KPNA7: variants seen among roughly 807,000 people sequenced by gnomAD.
KPNA7 encodes the protein importin subunit alpha-8.
KPNA7 carries 54 observed loss-of-function variants against 53.7 expected under a neutral mutation model. That is an observed-to-expected ratio of 1.01 (90% CI 0.81 to 1.26). The LOEUF (loss-of-function observed/expected upper bound fraction) is 1.26. Ranked by LOEUF, KPNA7 falls within the 50% of genes most tolerant of loss-of-function variation. The pLI is 0.00. For synonymous variants in KPNA7, 276 were observed against 259.3 expected (o/e 1.06, Z -0.62); for missense variants, 640 against 644.5 (o/e 0.99, Z 0.07).
chr7:99,181,013 C>G (rs111203645), intron 9 of KPNA7, among the ~76,000 whole-genome samples: 852 of 16,472 alleles, frequency 0.052, 334 homozygotes, highest in Middle Eastern at 0.093. Context: ...CTCTCTCTCT[C>G]TGTGTGTGTG....
At chr7:99,213,865 T>A (rs934813381) in intron 1 of KPNA7, among the ~76,000 whole-genome samples, 1 of 152,032 alleles carries the variant, frequency 6.6e-6, no homozygotes, top group African/African-American at 2.4e-5. Flanking sequence ...TGCCTCCACC[T>A]CTCAAATCAC....
At chr7:99,149,934 G>T in the KPNA7 span, among the ~76,000 whole-genome samples, 2 of 151,572 alleles carry the variant, frequency 1.3e-5, no homozygotes, top group East Asian at 3.9e-4. Context: ...AGCTCAGACA[G>T]ACTGCAGGCA....
At chr7:99,207,544 T>TGTCA (rs1790878658) in intron 1 of KPNA7, 55 bp from the exon 2 acceptor site, 2 of 935,466 alleles carry the variant, frequency 2.1e-6, no homozygotes, top group Non-Finnish European at 3.4e-6. Context: ...TGGGTTATTA[T>TGTCA]GTCAGTATCA....
chr7:99,181,401 T>C (rs1242393123), intron 9 of KPNA7, among the ~76,000 whole-genome samples: 1 of 152,216 alleles, frequency 6.6e-6, no homozygotes, highest in Non-Finnish European at 1.5e-5. Context: ...TGCATTGTCA[T>C]AGTCTGAGCA....
At chr7:99,214,465 C>A (rs1248366923) in intron 1 of KPNA7, among the ~76,000 whole-genome samples, 4 of 143,602 alleles carry the variant, frequency 2.8e-5, no homozygotes, top group Non-Finnish European at 4.6e-5. Flanking sequence ...AAAACAAAAA[C>A]AAAAACAAAA....
chr7:99,179,286 G>A (rs1270746420), intron 9 of KPNA7, among the ~76,000 whole-genome samples: 1 of 152,108 alleles, frequency 6.6e-6, no homozygotes, highest in Non-Finnish European at 1.5e-5. Context: ...GCTGGACACA[G>A]TGGCCCATTC....
chr7:99,209,396 G>T (rs931046347), upstream of KPNA7, among the ~76,000 whole-genome samples: 7 of 151,914 alleles, frequency 4.6e-5, no homozygotes, highest in African/African-American at 1.7e-4. Context: ...CTTCCAGCTG[G>T]TCTCCCTGCT....
Position 99,185,097 on chromosome 7 carries a change from A to G in KPNA7, c.966T>C (p.Ile322=). 2 of 1,551,944 alleles carry G rather than the reference A, an allele frequency of 1.3e-6. No individual in the cohort carries two copies. Among genetic ancestry groups the G allele is most frequent in the Non-Finnish European group, 8.7e-7 (1 of 1,147,050 alleles). The change falls in exon 8 of 11, where the codon ATT becomes ATC. Residue 322 remains isoleucine, a synonymous_variant. Transcript: ENST00000327442. ...GGAGCACGTTCAGCATACCCGCATC[A>G]ATGGCCATCTGCGTCTGCTCATCTG... ...TGTDEQTQMA[I]DAGMLNVLPQ...
intron 8 of KPNA7, among the ~76,000 whole-genome samples, chr7:99,183,279 C>A (rs1266174380): frequency 3.3e-5 from 5 of 151,992 alleles, no homozygotes; most frequent in South Asian, 2.1e-4. Context: ...GCTCAATAAA[C>A]CTTTGCATTT....
At chr7:99,158,408 A>G in the KPNA7 span, among the ~76,000 whole-genome samples, 1 of 152,032 alleles carries the variant, frequency 6.6e-6, no homozygotes, top group Non-Finnish European at 1.5e-5. Flanking sequence ...TGGACTTTAT[A>G]TAATTTGATC....
intron 10 of KPNA7, among the ~76,000 whole-genome samples, chr7:99,177,560 G>A (rs1298594823): frequency 8.8e-6 from 1 of 113,132 alleles, no homozygotes; most frequent in African/African-American, 3.8e-5. Context: ...GGGCAACAGA[G>A]TGAAACCATC....
chr7:99,146,421 G>C, the KPNA7 span, among the ~76,000 whole-genome samples: 2 of 152,040 alleles, frequency 1.3e-5, no homozygotes, highest in African/African-American at 4.8e-5. Flanking sequence ...TGTCAAAAAT[G>C]CATTTGCGGA....
chr7:99,169,643 T>G (rs541927545), downstream of KPNA7, among the ~76,000 whole-genome samples: 2 of 151,828 alleles, frequency 1.3e-5, no homozygotes, highest in Admixed American at 1.3e-4. Flanking sequence ...CCTGACCTTG[T>G]TCCTGTGCCC....
At chr7:99,161,797 T>C in the KPNA7 span, among the ~76,000 whole-genome samples, 1 of 152,114 alleles carries the variant, frequency 6.6e-6, no homozygotes, top group Non-Finnish European at 1.5e-5. Flanking sequence ...CCCAAAGGAA[T>C]TGACAGAAAA....
chr7:99,173,956 C>T (rs1798819063), intron 10 of KPNA7, among the ~76,000 whole-genome samples, 162 bp from the exon 11 acceptor site: 1 of 151,992 alleles, frequency 6.6e-6, no homozygotes, highest in Non-Finnish European at 1.5e-5. Context: ...GCAACCATCA[C>T]CACCACCCAC....
In KPNA7 at chr7:99,183,479, A is replaced by G. The variant is rs1789390389; in HGVS notation, c.1135-1414T>C. 2.6e-5 allele frequency among the ~76,000 whole-genome samples: 4 copies of G among 152,342 alleles called. No individual in the cohort carries two copies. In the South Asian group the frequency reaches 8.3e-4, roughly 32 times the overall value. ...CCACTTGAAATATAAATGTCCTTTG[A>G]TTCATAACTAGATGTTTCTCACTAG... On this transcript the variant is annotated intron_variant, in intron 8 of 10. Coordinates refer to ENST00000327442, the MANE Select transcript of KPNA7 (RefSeq NM_001145715.3).
At chr7:99,166,009 T>C in the KPNA7 span, among the ~76,000 whole-genome samples, 2 of 151,918 alleles carry the variant, frequency 1.3e-5, no homozygotes, top group Admixed American at 1.3e-4. Context: ...GTGCAGCACC[T>C]CCCCCTTCTC....
chr7:99,185,007 T>C lies in KPNA7; in HGVS notation c.1056A>G (p.Val352=), dbSNP rs1195585540. 1.9e-6 allele frequency: 3 copies of C among 1,551,852 alleles called. No individual in the cohort carries two copies. Among genetic ancestry groups the C allele is most frequent in the African/African-American group, 1.4e-5 (1 of 73,050 alleles). The change falls in exon 8 of 11, where the codon GTA becomes GTG. Residue 352 remains valine, a synonymous_variant. Coordinates refer to ENST00000327442, the MANE Select transcript of KPNA7 (RefSeq NM_001145715.3). ...GGATGTGGTGACAAGGCCCCGCTGC[T>C]ACGTTGCTCAGGGCCCAGGCTGCCT... ...QKEAAWALSN[V]AAGPCHHIQQ... is the part of the protein sequence containing the mutation.
chr7:99,208,006 G>A (rs145836892), intron 1 of KPNA7, among the ~76,000 whole-genome samples, 22 bp downstream of exon 1: 1 of 151,880 alleles, frequency 6.6e-6, no homozygotes, highest in Non-Finnish European at 1.5e-5. Flanking sequence ...CAGACTCCCC[G>A]TCCCCAACCC....
Sources: gnomAD v4.1 joint callset for allele counts (sites outside exome capture counted in the v4.1 genomes callset) on GRCh38, gnomAD v4.1.1 for gene constraint, MANE v1.5 for transcripts, NCBI Gene and HGNC (gene_info 2026-07-23, HGNC 2026-07-21) for gene names.